The following ZCWPW2 variants were observed in gnomAD, a reference collection of about 807,000 sequenced individuals.
ZCWPW2 encodes the protein zinc finger CW-type PWWP domain protein 2.
In ZCWPW2, 45 loss-of-function variants were observed where a neutral mutation model predicts 46.6. The observed-to-expected ratio is 0.96, with a 90% CI of 0.76 to 1.24. ZCWPW2 has a LOEUF of 1.24. Among genes scored for constraint, ZCWPW2 ranks in the 50% most tolerant of loss-of-function variants. The pLI, the probability that ZCWPW2 is intolerant of heterozygous loss-of-function variation, is 0.00. For synonymous variants in ZCWPW2, 152 were observed against 137.1 expected, an observed-to-expected ratio of 1.11 and a Z score of -0.76; for missense variants, 429 against 403.9, an observed-to-expected ratio of 1.06 and a Z score of -0.53.
At chr3:28,497,355 T>C (rs1433798544) in intron 6 of ZCWPW2, among the ~76,000 whole-genome samples, 1 of 152,022 alleles carries the variant, frequency 6.6e-6, no homozygotes, top group Non-Finnish European at 1.5e-5. Context: ...GATTAACAAA[T>C]ATAGACCTGT....
chr3:28,378,041 A>G (rs1434553975), intron 1 of ZCWPW2, among the ~76,000 whole-genome samples: 1 of 152,066 alleles, frequency 6.6e-6, no homozygotes, highest in Non-Finnish European at 1.5e-5. Flanking sequence ...TATTATTACA[A>G]AAGAAGATCT....
At chr3:28,437,547 C>T (rs879309583) in intron 4 of ZCWPW2, among the ~76,000 whole-genome samples, 1 of 152,000 alleles carries the variant, frequency 6.6e-6, no homozygotes, top group African/African-American at 2.4e-5. Flanking sequence ...TTAATAGGTG[C>T]ATGGTTGCCT....
At chr3:28,401,311 T>C (rs1049037687) in intron 2 of ZCWPW2, among the ~76,000 whole-genome samples, 1 of 152,136 alleles carries the variant, frequency 6.6e-6, no homozygotes. Flanking sequence ...AATGCTCCAC[T>C]TAAGAGATAA....
chr3:28,516,065 A>T (rs980775043), intron 8 of ZCWPW2, among the ~76,000 whole-genome samples: 32 of 151,884 alleles, frequency 2.1e-4, no homozygotes, highest in African/African-American at 7.7e-4. Flanking sequence ...ACACAGTGAA[A>T]CCGGTCTCAA....
intron 3 of ZCWPW2, among the ~76,000 whole-genome samples, chr3:28,422,095 GGA>G (rs1321059726): frequency 6.6e-6 from 1 of 151,814 alleles, no homozygotes; most frequent in Non-Finnish European, 1.5e-5. Context: ...TGGAAAGTAT[GGA>G]GAGTTTCCGT....
At chr3:28,388,341 C>T (rs923429163) in intron 1 of ZCWPW2, among the ~76,000 whole-genome samples, 1 of 152,168 alleles carries the variant, frequency 6.6e-6, no homozygotes, top group Non-Finnish European at 1.5e-5. Flanking sequence ...CCTTGTCAAC[C>T]TGACACCCAT....
At chr3:28,356,929 A>G (rs1203184405) in intron 1 of ZCWPW2, among the ~76,000 whole-genome samples, 2 of 152,154 alleles carry the variant, frequency 1.3e-5, no homozygotes, top group Non-Finnish European at 2.9e-5. Context: ...GGTGCAGCAC[A>G]CCAACATGGC....
chr3:28,373,051 A>G (rs188577423), intron 1 of ZCWPW2, among the ~76,000 whole-genome samples: 5 of 152,232 alleles, frequency 3.3e-5, no homozygotes, highest in Admixed American at 2.0e-4. Context: ...TTCTTTATCT[A>G]TTCACCCATT....
chr3:28,452,322 T>C (rs1698256843), intron 4 of ZCWPW2, among the ~76,000 whole-genome samples: 1 of 152,130 alleles, frequency 6.6e-6, no homozygotes, highest in African/African-American at 2.4e-5. Flanking sequence ...CCTCACTCTG[T>C]CACCCAGGCT....
At chr3:28,505,125 G>T (rs562204287) in intron 6 of ZCWPW2, among the ~76,000 whole-genome samples, 29 of 152,268 alleles carry the variant, frequency 1.9e-4, no homozygotes, top group Middle Eastern at 3.4e-3. Flanking sequence ...GGGTGGGCTG[G>T]TGATCAACTG....
In ZCWPW2 at chr3:28,348,988, G is replaced by A; in HGVS notation, c.-349G>A. The A allele has an allele frequency of 3.0e-6, 3 of 985,806 alleles. No individual in the cohort carries two copies. The highest frequency in any genetic ancestry group is 3.6e-6 in the Non-Finnish European group (3 of 830,222). 61.1% of individuals were successfully genotyped at this position (985,806 alleles called of 1,614,324 possible). A position where few individuals can be genotyped will look rare whatever the true frequency, so the allele number is the denominator to read the frequency against. On this transcript the variant is annotated 5_prime_UTR_variant, in exon 1 of 10. Coordinates refer to ENST00000383768, the MANE Select transcript of ZCWPW2 (RefSeq NM_001040432.4). Reference sequence around the variant, plus strand: ...TGTGGATGAGCTCTCAGCCGGAAAAGGGGCTGCCGCTGTCCGCGGGCTCGG... The same window carrying A: ...TGTGGATGAGCTCTCAGCCGGAAAAAGGGCTGCCGCTGTCCGCGGGCTCGG...
At chr3:28,403,486 A>G (rs976341367) in intron 2 of ZCWPW2, among the ~76,000 whole-genome samples, 1 of 152,170 alleles carries the variant, frequency 6.6e-6, no homozygotes, top group Non-Finnish European at 1.5e-5. Context: ...CAATCTACAA[A>G]TTCAATGCAA....
intron 1 of ZCWPW2, among the ~76,000 whole-genome samples, chr3:28,386,578 A>G (rs1695281533): frequency 1.3e-5 from 2 of 152,126 alleles, no homozygotes; most frequent in South Asian, 4.1e-4. Flanking sequence ...TCACATTAAT[A>G]TTTATTTTTT....
intron 2 of ZCWPW2, among the ~76,000 whole-genome samples, chr3:28,391,270 A>G (rs1049072148): frequency 4.6e-5 from 7 of 151,872 alleles, no homozygotes; most frequent in African/African-American, 1.2e-4. Context: ...AAGAACATAG[A>G]AGAGGATATA....
intron 5 of ZCWPW2, among the ~76,000 whole-genome samples, chr3:28,491,765 A>T (rs1488704017): frequency 6.6e-6 from 1 of 152,116 alleles, no homozygotes; most frequent in Non-Finnish European, 1.5e-5. Flanking sequence ...ATAGATAGAT[A>T]TGAAAATGGA....
At chr3:28,448,509 A>G (rs1344237267) in intron 4 of ZCWPW2, among the ~76,000 whole-genome samples, 1 of 151,908 alleles carries the variant, frequency 6.6e-6, no homozygotes, top group Non-Finnish European at 1.5e-5. Flanking sequence ...TACCGGCCAG[A>G]TGTGGTGGCT....
At chr3:28,411,622 ACT>A (rs777244430) in intron 2 of ZCWPW2, among the ~76,000 whole-genome samples, 5 of 152,018 alleles carry the variant, frequency 3.3e-5, no homozygotes, top group Non-Finnish European at 5.9e-5. Context: ...AAGGGCAGAG[ACT>A]CTGTAAGTAA....
intron 5 of ZCWPW2, among the ~76,000 whole-genome samples, chr3:28,487,494 CCTAT>C (rs1360251359): frequency 2.6e-5 from 4 of 152,068 alleles, no homozygotes; most frequent in African/African-American, 4.8e-5. Flanking sequence ...GCTTACGTTA[CCTAT>C]CTGTTATTGC....
Position 28,486,307 on chromosome 3 carries a change from T to C in ZCWPW2, c.611-5820T>C, listed in dbSNP as rs552548883. The stretch of plus-strand genomic sequence containing the variant: ...CACACACATAAGATGTATGCATAAG[T>C]ATACATAATTAAGTGTATCATGATT... On this transcript the variant is annotated intron_variant, in intron 5 of 9. Transcript: ENST00000383768. 3.1e-3 allele frequency among the ~76,000 whole-genome samples: 472 copies of C among 152,296 alleles called. 6 individuals carry two copies. Among genetic ancestry groups the C allele is most frequent in the African/African-American group, 0.011 (464 of 41,572 alleles).
Sources: allele counts gnomAD v4.1 joint callset (sites outside exome capture counted in the v4.1 genomes callset), GRCh38; gene constraint gnomAD v4.1.1; transcripts MANE v1.5; gene names NCBI Gene and HGNC (gene_info 2026-07-23, HGNC 2026-07-21).